PRKAR1B: variants seen among roughly 807,000 people sequenced by gnomAD.
PRKAR1B encodes protein kinase cAMP-dependent type I regulatory subunit beta, also known as cAMP-dependent protein kinase type I-beta regulatory subunit.
A neutral mutation model predicts 46.5 loss-of-function variants in PRKAR1B; 22 were observed. The ratio of observed to expected loss-of-function variants is 0.47; its 90% CI spans 0.34 to 0.68. The LOEUF (loss-of-function observed/expected upper bound fraction) is 0.68. Ranked by LOEUF, PRKAR1B falls within the 30% of genes least tolerant of loss-of-function variation. The pLI is 0.01. For missense variants in PRKAR1B, 445 were observed against 535.6 expected (o/e 0.83, Z 1.67); for synonymous variants, 259 against 217.7 (o/e 1.19, Z -1.67).
At chr7:601,700 C>T (rs1040362729) in intron 6 of PRKAR1B, among the ~76,000 whole-genome samples, 3 of 152,202 alleles carry the variant, frequency 2.0e-5, no homozygotes, top group Non-Finnish European at 4.4e-5. Flanking sequence ...GCTTGGTGTT[C>T]GTGCACAGCC....
At chr7:568,421 G>A (rs1214407894) in intron 9 of PRKAR1B, among the ~76,000 whole-genome samples, 1 of 152,230 alleles carries the variant, frequency 6.6e-6, no homozygotes, top group Non-Finnish European at 1.5e-5. Flanking sequence ...AGACATGCGT[G>A]GCCAAATTTA....
rs1289976044 is a variant in PRKAR1B at position 593,536 on chromosome 7, G to A, written c.708+2610C>T. On this transcript the variant is annotated intron_variant, in intron 7 of 10. Coordinates refer to ENST00000537384, the MANE Select transcript of PRKAR1B (RefSeq NM_001164760.2). This position sits in a 1 kb window ranked among gnomAD's most constrained non-coding sequence, Gnocchi z 6.1. ...AGCCACAAAAATCCCCCAGCCGGGAGCGACAGGGCGTCAAGGATGGTGGGG... is the reference window on the plus strand; with the variant it reads ...AGCCACAAAAATCCCCCAGCCGGGAACGACAGGGCGTCAAGGATGGTGGGG... 6.6e-6 allele frequency among the ~76,000 whole-genome samples: 1 copy of A among 152,200 alleles called. No individual in the cohort carries two copies. The highest frequency in any genetic ancestry group is 2.4e-5 in the African/African-American group (1 of 41,452).
At chr7:630,013 G>A (rs1377121261) in intron 4 of PRKAR1B, among the ~76,000 whole-genome samples, 2 of 131,296 alleles carry the variant, frequency 1.5e-5, no homozygotes, top group Non-Finnish European at 3.3e-5. Context: ...CGGCCTCCCA[G>A]GGCGCCACCA....
chr7:693,582 A>C (rs114540954), intron 2 of PRKAR1B, among the ~76,000 whole-genome samples: 5,093 of 152,182 alleles, frequency 0.033, 316 homozygotes, highest in African/African-American at 0.12. Context: ...GTGTCAGGTG[A>C]TTCACTCCTT....
chr7:655,706 G>T (rs907017818), intron 4 of PRKAR1B, among the ~76,000 whole-genome samples: 1 of 152,220 alleles, frequency 6.6e-6, no homozygotes, highest in African/African-American at 2.4e-5. Context: ...GCCTGAAGGA[G>T]ATCCTCACTA....
At chr7:711,592 C>T in intron 1 of PRKAR1B, 65 bp from the exon 2 acceptor site, 2 of 1,430,976 alleles carry the variant, frequency 1.4e-6, no homozygotes, top group Non-Finnish European at 1.9e-6. Context: ...CGGATAAACG[C>T]AGGCGGCGTG....
At chr7:614,187 T>G (rs1188124855) in intron 4 of PRKAR1B, among the ~76,000 whole-genome samples, 44 of 152,224 alleles carry the variant, frequency 2.9e-4, no homozygotes. Context: ...CTGTCCATAG[T>G]CTGGCTACAT....
chr7:607,616 G>A (rs1275833429), intron 4 of PRKAR1B, among the ~76,000 whole-genome samples, 164 bp from the exon 5 acceptor site: 1 of 152,176 alleles, frequency 6.6e-6, no homozygotes, highest in Non-Finnish European at 1.5e-5. Context: ...TTCATGACCC[G>A]AAGGCCAGAG....
intron 4 of PRKAR1B, among the ~76,000 whole-genome samples, chr7:670,092 T>C (rs563710304): frequency 1.3e-5 from 2 of 151,830 alleles, no homozygotes; most frequent in South Asian, 4.2e-4. Flanking sequence ...ATGGTCTCAA[T>C]CTCCTGACCT....
chr7:624,131 A>G (rs367630346), intron 4 of PRKAR1B, among the ~76,000 whole-genome samples: 1 of 152,218 alleles, frequency 6.6e-6, no homozygotes, highest in East Asian at 1.9e-4. Context: ...GCAAACTTTT[A>G]TCTTAAAAAT....
At chr7:646,474 G>A (rs1297856533) in intron 4 of PRKAR1B, among the ~76,000 whole-genome samples, 1 of 152,242 alleles carries the variant, frequency 6.6e-6, no homozygotes, top group Non-Finnish European at 1.5e-5. Context: ...GCTCGATGGT[G>A]GGGCAGGAAG....
chr7:670,952 C>T (rs1365479554), intron 4 of PRKAR1B, among the ~76,000 whole-genome samples: 1 of 152,268 alleles, frequency 6.6e-6, no homozygotes, highest in South Asian at 2.1e-4. Context: ...GGCTGCAGCA[C>T]ATCCCAGCCC....
chr7:707,780 A>G (rs1230958948), intron 2 of PRKAR1B, among the ~76,000 whole-genome samples: 1 of 152,122 alleles, frequency 6.6e-6, no homozygotes, highest in Non-Finnish European at 1.5e-5. Flanking sequence ...ACCACCCACA[A>G]TCGCCAGCAC....
intron 4 of PRKAR1B, among the ~76,000 whole-genome samples, chr7:659,317 C>T (rs74487101): frequency 5.9e-5 from 9 of 152,224 alleles, no homozygotes; most frequent in African/African-American, 1.4e-4. Flanking sequence ...ACCCCTCGGG[C>T]GGGGTCTGGC....
At chr7:559,195 GGCCACAGGT>G (rs1188471536) in intron 9 of PRKAR1B, among the ~76,000 whole-genome samples, 2 of 152,210 alleles carry the variant, frequency 1.3e-5, no homozygotes, top group Non-Finnish European at 2.9e-5. Context: ...CAACCCACAA[GGCCACAGGT>G]GCCTGACGCC....
rs578061274 is a variant in PRKAR1B, at chr7:567,409, CCAT to C, written c.891+11844_891+11846del. Among the ~76,000 whole-genome samples, 616 of 139,604 alleles carry C rather than the reference CCAT, an allele frequency of 4.4e-3. 4 individuals carry two copies. The highest frequency in any genetic ancestry group is 0.015 in the African/African-American group (552 of 37,124). 91.6% of individuals were successfully genotyped at this position (139,604 alleles called of 152,430 possible). A position where few individuals can be genotyped will look rare whatever the true frequency, so the allele number is the denominator to read the frequency against. ...ACCTCCATCATCATCACCATCACCT[CCAT>C]CATCATCACCATCATCACCATCATC... On this transcript the variant is annotated intron_variant, in intron 9 of 10. Transcript: ENST00000537384.
intron 4 of PRKAR1B, among the ~76,000 whole-genome samples, chr7:672,735 G>A (rs1786333878): frequency 6.6e-6 from 1 of 151,880 alleles, no homozygotes; most frequent in Non-Finnish European, 1.5e-5. Context: ...GGGTGTGGTG[G>A]CACATGCCTA....
At chr7:584,462 G>T in intron 8 of PRKAR1B, 46 bp downstream of exon 8, 1 of 1,569,700 alleles carries the variant, frequency 6.4e-7, no homozygotes, top group Non-Finnish European at 8.8e-7. Flanking sequence ...GCCAGCAGGC[G>T]CCCAGATGTC....
At chr7:720,326 G>A (rs1045694730) in intron 1 of PRKAR1B, among the ~76,000 whole-genome samples, 10 of 152,124 alleles carry the variant, frequency 6.6e-5, no homozygotes, top group African/African-American at 2.4e-4. Context: ...CCAAAGTGCT[G>A]GGATAACAGG....
Sources: gnomAD v4.1 joint callset for allele counts (sites outside exome capture counted in the v4.1 genomes callset) on GRCh38, gnomAD v4.1.1 for gene constraint, Gnocchi (gnomAD v3.1) non-coding constraint, MANE v1.5 for transcripts, NCBI Gene and HGNC (gene_info 2026-07-23, HGNC 2026-07-21) for gene names.